DIAPH3: variants seen among roughly 807,000 people sequenced by gnomAD.
DIAPH3 encodes the protein diaphanous related formin 3, also known as protein diaphanous homolog 3.
A neutral mutation model predicts 144.3 loss-of-function variants in DIAPH3; 117 were observed. The ratio of observed to expected loss-of-function variants is 0.81; its 90% CI spans 0.70 to 0.95. The LOEUF (loss-of-function observed/expected upper bound fraction) is 0.95. Ranked by LOEUF, DIAPH3 falls within the 40% of genes least tolerant of loss-of-function variation. The pLI is 0.00. For synonymous variants in DIAPH3, 519 were observed against 488.9 expected (o/e 1.06, Z -0.81); for missense variants, 1,421 against 1,412.7 (o/e 1.01, Z -0.09).
chr13:59,683,658 G>A (rs568317905), intron 27 of DIAPH3, among the ~76,000 whole-genome samples: 2 of 152,172 alleles, frequency 1.3e-5, no homozygotes, highest in East Asian at 1.9e-4. Flanking sequence ...AGCAGCATAC[G>A]AAAAAGGAAA....
At chr13:59,733,611 C>T (rs1158785706) in intron 27 of DIAPH3, among the ~76,000 whole-genome samples, 1 of 152,174 alleles carries the variant, frequency 6.6e-6, no homozygotes, top group African/African-American at 2.4e-5. Context: ...GTCTTCTGTA[C>T]CACCAGTGCC....
intron 4 of DIAPH3, chr13:60,044,303 A>G (rs1430014312): frequency 6.6e-6 from 1 of 152,198 alleles, no homozygotes; most frequent in Non-Finnish European, 1.5e-5. Context: ...TTAATTTACT[A>G]TAATGTTATT....
At chr13:59,917,783 G>A (rs1011420597) in intron 18 of DIAPH3, among the ~76,000 whole-genome samples, 5 of 150,714 alleles carry the variant, frequency 3.3e-5, no homozygotes, top group Admixed American at 2.0e-4. Flanking sequence ...CCAGCTACTC[G>A]GGAGGCTGAA....
At chr13:59,949,413 T>A (rs1314396995) in intron 17 of DIAPH3, among the ~76,000 whole-genome samples, 1 of 152,218 alleles carries the variant, frequency 6.6e-6, no homozygotes, top group Non-Finnish European at 1.5e-5. Flanking sequence ...TAGTCCTACT[T>A]GTGATTGGTG....
At chr13:59,675,649 A>T (rs527603376) in intron 27 of DIAPH3, among the ~76,000 whole-genome samples, 1 of 152,278 alleles carries the variant, frequency 6.6e-6, no homozygotes, top group African/African-American at 2.4e-5. Flanking sequence ...CTATTTTAAA[A>T]TTTTTACAAC....
intron 27 of DIAPH3, among the ~76,000 whole-genome samples, chr13:59,707,606 G>A (rs2034502593): frequency 6.6e-6 from 1 of 152,080 alleles, no homozygotes; most frequent in African/African-American, 2.4e-5. Context: ...TTCATATCAA[G>A]GTTTAATATT....
At chr13:59,983,102 T>A (rs1480424142) in intron 13 of DIAPH3, among the ~76,000 whole-genome samples, 2 of 110,256 alleles carry the variant, frequency 1.8e-5, no homozygotes, top group Non-Finnish European at 3.6e-5. Context: ...TAATAAAAAC[T>A]CAAATGTTAC....
intron 14 of DIAPH3, among the ~76,000 whole-genome samples, chr13:59,977,659 AG>A (rs1183751878): frequency 6.6e-6 from 1 of 151,728 alleles, no homozygotes; most frequent in African/African-American, 2.4e-5. Flanking sequence ...GGTGGAGGAG[AG>A]GGTAATGACA....
chr13:59,888,866 T>C (rs534108156), intron 20 of DIAPH3, among the ~76,000 whole-genome samples: 33 of 151,414 alleles, frequency 2.2e-4, no homozygotes, highest in African/African-American at 8.0e-4. Context: ...GAATTCTGAG[T>C]TTACAGGGTA....
intron 27 of DIAPH3, 52 bp downstream of exon 27, chr13:59,774,137 T>C (rs2038264253): frequency 6.4e-7 from 1 of 1,550,420 alleles, no homozygotes; most frequent in Non-Finnish European, 8.8e-7. Flanking sequence ...CACAGATCAA[T>C]AGGATAAAAG....
At chr13:59,905,856 G>C (rs2046708440) in intron 20 of DIAPH3, among the ~76,000 whole-genome samples, 1 of 152,262 alleles carries the variant, frequency 6.6e-6, no homozygotes, top group East Asian at 1.9e-4. Flanking sequence ...TTTTCCCCTA[G>C]AGCCCTCAGA....
chr13:60,082,693 A>G (rs1025479165), intron 4 of DIAPH3, among the ~76,000 whole-genome samples: 1 of 152,142 alleles, frequency 6.6e-6, no homozygotes, highest in Admixed American at 6.6e-5. Flanking sequence ...CTCAGGAAAT[A>G]CTGTTTCCAT....
intron 21 of DIAPH3, among the ~76,000 whole-genome samples, 165 bp downstream of exon 21, chr13:59,879,064 G>A (rs2044822682): frequency 6.6e-6 from 1 of 152,074 alleles, no homozygotes; most frequent in Non-Finnish European, 1.5e-5. Context: ...TAGTTCAGAG[G>A]TTGAGTAAAT....
chr13:60,013,528 C>A (rs559526453), intron 7 of DIAPH3, among the ~76,000 whole-genome samples: 2 of 152,188 alleles, frequency 1.3e-5, no homozygotes, highest in Non-Finnish European at 2.9e-5. Flanking sequence ...AATATACTAA[C>A]TTTTCATCCT....
intron 12 of DIAPH3, among the ~76,000 whole-genome samples, chr13:59,987,267 C>G (rs1223948563): frequency 1.3e-5 from 2 of 149,756 alleles, no homozygotes; most frequent in African/African-American, 4.9e-5. Flanking sequence ...TAGGTGGGAA[C>G]TGAACAATGA....
intron 20 of DIAPH3, among the ~76,000 whole-genome samples, chr13:59,888,876 AT>A (rs138593800): frequency 9.7e-4 from 147 of 151,866 alleles, no homozygotes; most frequent in African/African-American, 3.4e-3. Context: ...TTTACAGGGT[AT>A]TTTTTTAACA....
chr13:59,830,251 C>T (rs1418222771), intron 24 of DIAPH3, among the ~76,000 whole-genome samples: 1 of 151,580 alleles, frequency 6.6e-6, no homozygotes, highest in Non-Finnish European at 1.5e-5. Context: ...GACTTCAAAG[C>T]GATATATTTT....
intron 3 of DIAPH3, among the ~76,000 whole-genome samples, chr13:60,097,340 G>A (rs1375093858): frequency 3.9e-5 from 6 of 152,090 alleles, no homozygotes; most frequent in Non-Finnish European, 7.4e-5. Context: ...GGGTGGGGGC[G>A]ATTGAGTTCT....
intron 20 of DIAPH3, among the ~76,000 whole-genome samples, chr13:59,889,412 TA>T (rs1187074011): frequency 6.6e-6 from 1 of 152,090 alleles, no homozygotes; most frequent in Non-Finnish European, 1.5e-5. Flanking sequence ...CTAAAATTTT[TA>T]ATTTAGTTAT....
Sources: allele counts gnomAD v4.1 joint callset (sites outside exome capture counted in the v4.1 genomes callset), GRCh38; gene constraint gnomAD v4.1.1; transcripts MANE v1.5; gene names NCBI Gene and HGNC (gene_info 2026-07-23, HGNC 2026-07-21).